The following RSF1 variants were observed in gnomAD, a reference collection of about 807,000 sequenced individuals.
The protein encoded by RSF1 is HBV pX-associated protein 8.
A neutral mutation model predicts 145.2 loss-of-function variants in RSF1; 13 were observed. The ratio of observed to expected loss-of-function variants is 0.09; its 90% confidence interval spans 0.06 to 0.14. RSF1 has a LOEUF of 0.14. RSF1 is among the 10% of genes least tolerant of loss of function. The probability of loss-of-function intolerance (pLI) is 1.00; values close to 1 mark genes in which losing one functional copy is unlikely to be tolerated. For synonymous variants in RSF1, 577 were observed against 592.6 expected, an observed-to-expected ratio of 0.97 and a Z score of 0.38; for missense variants, 1,517 against 1,718.2, an observed-to-expected ratio of 0.88 and a Z score of 2.07.
chr11:77,709,708 TG>T (rs962507832), intron 5 of RSF1, among the ~76,000 whole-genome samples: 57 of 152,070 alleles, frequency 3.7e-4, no homozygotes, highest in African/African-American at 1.3e-3. Context: ...TTTTTTTAAA[TG>T]TTTTTTTATT....
At chr11:77,858,174 A>G in the RSF1 span, among the ~76,000 whole-genome samples, 427 of 143,554 alleles carry the variant, frequency 3.0e-3, 5 homozygotes, top group African/African-American at 0.011. Context: ...GTGTGCCACC[A>G]TGCCTGGCTA....
intron 1 of RSF1, among the ~76,000 whole-genome samples, chr11:77,766,170 A>AC (rs950911124): frequency 7.9e-5 from 12 of 152,182 alleles, no homozygotes; most frequent in African/African-American, 2.9e-4. Flanking sequence ...TTATCTTTAA[A>AC]CCACAGGACC....
At chr11:77,729,923 ATT>A (rs1961160437) in intron 4 of RSF1, among the ~76,000 whole-genome samples, 4 of 144,788 alleles carry the variant, frequency 2.8e-5, no homozygotes, top group Non-Finnish European at 4.5e-5. Context: ...AAAAAAAAAA[ATT>A]GTGGAGGCCA....
intron 8 of RSF1, among the ~76,000 whole-genome samples, chr11:77,692,446 G>A (rs1182033467): frequency 1.9e-5 from 2 of 107,558 alleles, no homozygotes; most frequent in Non-Finnish European, 3.5e-5. Context: ...GGGTTTCACC[G>A]TTTTAGCCAG....
chr11:77,734,275 T>C (rs944999169), intron 4 of RSF1, among the ~76,000 whole-genome samples: 3 of 150,442 alleles, frequency 2.0e-5, no homozygotes, highest in Non-Finnish European at 2.9e-5. Flanking sequence ...ATTCATCTAA[T>C]ACATATATTT....
At chr11:77,700,624 T>G in intron 6 of RSF1, 97 bp downstream of exon 6, 1 of 802,932 alleles carries the variant, frequency 1.2e-6, no homozygotes, top group Non-Finnish European at 1.9e-6. Context: ...AAAGATACTT[T>G]GTCAGTTGTC....
the RSF1 span, among the ~76,000 whole-genome samples, chr11:77,860,063 G>A: frequency 1.2e-4 from 19 of 152,174 alleles, no homozygotes; most frequent in African/African-American, 4.3e-4. Flanking sequence ...TCTTACTCAG[G>A]TATGCCACAG....
chr11:77,811,594 A>T (rs570040686), intron 1 of RSF1, among the ~76,000 whole-genome samples: 1 of 152,220 alleles, frequency 6.6e-6, no homozygotes, highest in Non-Finnish European at 1.5e-5. Context: ...AAGGGAAGGA[A>T]GATGGGGATG....
chr11:77,833,948 G>C, the RSF1 span, among the ~76,000 whole-genome samples: 43 of 152,198 alleles, frequency 2.8e-4, no homozygotes, highest in East Asian at 7.5e-3. Flanking sequence ...AATGTTTCTT[G>C]AACAGAAATA....
intron 1 of RSF1, among the ~76,000 whole-genome samples, chr11:77,806,672 C>A (rs189115279): frequency 6.6e-6 from 1 of 151,642 alleles, no homozygotes; most frequent in East Asian, 1.9e-4. Context: ...TAGAGCAAGA[C>A]CCTCTCTCTA....
At chr11:77,845,517 G>A in the RSF1 span, among the ~76,000 whole-genome samples, 4 of 151,754 alleles carry the variant, frequency 2.6e-5, no homozygotes, top group South Asian at 4.2e-4. Flanking sequence ...TGCAACCTCC[G>A]CCTCCCAGGT....
chr11:77,820,762 T>TGGG (rs1948866084), upstream of RSF1: 1 of 1,515,536 alleles, frequency 6.6e-7, no homozygotes, highest in East Asian at 2.5e-5. Context: ...CGGGGGAAGT[T>TGGG]GTGGTGCCGA....
At chr11:77,751,797 G>A (rs1287194165) in intron 2 of RSF1, among the ~76,000 whole-genome samples, 1 of 151,996 alleles carries the variant, frequency 6.6e-6, no homozygotes, top group Non-Finnish European at 1.5e-5. Flanking sequence ...GCACAAATTC[G>A]AACACAGCAC....
rs531673162 is a variant in RSF1, at chr11:77,801,946, G to A, written c.187+18582C>T. Among the ~76,000 whole-genome samples the A allele has an allele frequency of 3.2e-3, 490 of 151,854 alleles. 2 individuals carry two copies. Among genetic ancestry groups the A allele is most frequent in the Non-Finnish European group, 6.0e-3 (409 of 67,930 alleles). On this transcript the variant is annotated intron_variant, in intron 1 of 15. Transcript: ENST00000308488. The stretch of plus-strand genomic sequence containing the variant: ...TTTGGGAGGCTGAGGCAGGAGGACC[G>A]CTTGAGCCTAGGAATGCAAGAACAG...
the RSF1 span, among the ~76,000 whole-genome samples, chr11:77,827,376 C>T: frequency 6.6e-6 from 1 of 152,128 alleles, no homozygotes; most frequent in African/African-American, 2.4e-5. Flanking sequence ...CTAGCAAACA[C>T]AGCAATCCTC....
the RSF1 span, among the ~76,000 whole-genome samples, chr11:77,853,845 G>T: frequency 6.6e-6 from 1 of 151,928 alleles, no homozygotes; most frequent in African/African-American, 2.4e-5. Flanking sequence ...GTAGGCTGAG[G>T]CAGGAGAATT....
intron 1 of RSF1, among the ~76,000 whole-genome samples, chr11:77,809,024 G>A (rs891162838): frequency 2.0e-5 from 3 of 152,108 alleles, no homozygotes; most frequent in African/African-American, 7.2e-5. Context: ...GCATACCTGT[G>A]GGGACAAAAC....
chr11:77,725,553 G>A lies in RSF1; in HGVS notation c.725C>T (p.Pro242Leu), dbSNP rs1241180470. 8 of 1,556,712 alleles carry A rather than the reference G, an allele frequency of 5.1e-6. 1 individual carries two copies. In the Admixed American group the frequency reaches 1.4e-4, roughly 27 times the overall value. Reference protein sequence around the residue: ...DEETKKEEETPKQEEQKESEK... With the variant: ...DEETKKEEETLKQEEQKESEK... The stretch of plus-strand genomic sequence containing the variant: ...AACACACAAAAAAAAACCTTGTTTA[G>A]GTGTTTCTTCCTCTTTTTTAGTCTC... The change falls in exon 5 of 16, where the codon CCT becomes CTT. Residue 242 changes from proline to leucine, a missense_variant. Pro to Leu is a moderately conservative substitution (Grantham distance 98). This residue lies in a region of RSF1 where 207 missense variants were observed against 191.4 expected (regional missense o/e 1.08). Coordinates refer to ENST00000308488, the MANE Select transcript of RSF1 (RefSeq NM_016578.4).
chr11:77,685,081 A>C (rs1959967916), intron 10 of RSF1, 24 bp downstream of exon 10: 1 of 1,418,276 alleles, frequency 7.1e-7, no homozygotes, highest in Admixed American at 2.0e-5. Context: ...TCCCATTTAA[A>C]AACATTACAA....
Sources: allele counts gnomAD v4.1 joint callset (sites outside exome capture counted in the v4.1 genomes callset), GRCh38; gene constraint gnomAD v4.1.1; regional missense constraint gnomAD v4.1.1; transcripts MANE v1.5; gene names NCBI Gene and HGNC (gene_info 2026-07-23, HGNC 2026-07-21).